Variants in STAMBPL1 observed in about 807,000 individuals in gnomAD.
STAMBPL1 encodes the protein STAM binding protein like 1, also known as AMSH-like protease.
Under a neutral mutation model 52.9 loss-of-function variants are expected in STAMBPL1, and 44 were observed. The observed-to-expected ratio is 0.83, with a 90% CI of 0.65 to 1.07. The LOEUF is 1.07. Among genes scored for constraint, STAMBPL1 ranks in the 50% least tolerant of loss-of-function variants. The pLI is 0.00. For synonymous variants in STAMBPL1, 164 were observed against 177.3 expected, an observed-to-expected ratio of 0.92 and a Z score of 0.60; for missense variants, 511 against 520.8, an observed-to-expected ratio of 0.98 and a Z score of 0.18.
chr10:88,921,346 C>G lies in STAMBPL1; in HGVS notation c.1105C>G (p.Leu369Val), dbSNP rs767903723. Residue 369 changes from leucine to valine, a missense_variant, in exon 9 of 11, where the codon CTC (leucine) becomes GTC (valine). Physicochemically the swap from Leu to Val is conservative, Grantham distance 32 (BLOSUM62 1). Transcript: ENST00000371926. ...TCTTCACACTCACTGTTCCTATCAACTCATGTTGCCAGAGGCCATTGCCAT... is the reference window on the plus strand; with the variant it reads ...TCTTCACACTCACTGTTCCTATCAAGTCATGTTGCCAGAGGCCATTGCCAT... ...VDLHTHCSYQ[L>V]MLPEAIAIVC... is the part of the protein sequence containing the mutation. 1 of 1,613,396 alleles carries G rather than the reference C, an allele frequency of 6.2e-7. No individual in the cohort carries two copies.
chr10:88,905,116 T>C (rs1313245504), intron 2 of STAMBPL1, among the ~76,000 whole-genome samples: 1 of 152,128 alleles, frequency 6.6e-6, no homozygotes, highest in Non-Finnish European at 1.5e-5. Context: ...GATAGAAGCA[T>C]GCACAGGGAT....
rs565869273 is a variant in STAMBPL1 at position 88,899,057 on chromosome 10, T to C, written c.-53-2599T>C. ...TCCCCTGTTCATCAAGTGATAGAGATAGCAGAGGTGTTTTCACCAGACCAA... is the reference window on the plus strand; with the variant it reads ...TCCCCTGTTCATCAAGTGATAGAGACAGCAGAGGTGTTTTCACCAGACCAA... On this transcript the variant is annotated intron_variant, in intron 1 of 10. Transcript: ENST00000371926. 7.9e-5 allele frequency among the ~76,000 whole-genome samples: 12 copies of C among 152,346 alleles called. No homozygotes were observed. In the South Asian group the frequency reaches 1.2e-3, roughly 16 times the overall value.
At position 88,908,015 on chromosome 10, in the gene STAMBPL1, A is replaced by G. The variant is rs2231781; in HGVS notation, c.249-687A>G. Among the ~76,000 whole-genome samples, 794 of 152,322 alleles carry G rather than the reference A, an allele frequency of 5.2e-3. 8 individuals are homozygous for G. The highest frequency in any genetic ancestry group is 0.018 in the African/African-American group (765 of 41,572). On this transcript the variant is annotated intron_variant, in intron 3 of 10. Transcript: ENST00000371926. Reference sequence around the variant, plus strand: ...TTATTGAGCACTTATTATGAGCTGGATGCTATTCTTCAGGCTGAGGATACA... The same window carrying G: ...TTATTGAGCACTTATTATGAGCTGGGTGCTATTCTTCAGGCTGAGGATACA...
intron 1 of STAMBPL1, among the ~76,000 whole-genome samples, chr10:88,897,735 A>G (rs1374029706): frequency 1.3e-5 from 2 of 152,218 alleles, no homozygotes; most frequent in African/African-American, 4.8e-5. Context: ...TAGCAAGCAA[A>G]TGATAGAGCC....
intron 5 of STAMBPL1, among the ~76,000 whole-genome samples, chr10:88,912,020 T>C (rs1028999451): frequency 1.3e-5 from 2 of 152,134 alleles, no homozygotes; most frequent in Non-Finnish European, 2.9e-5. Context: ...TGTTTTGCCT[T>C]TGATACCAGT....
rs1187556762 is a variant in STAMBPL1, at chr10:88,901,693, T to C, written c.-16T>C. Reference sequence around the variant, plus strand: ...AGAAGAAACAGTGAACATCCTCATTTCACAGATAAGACAACATGGATCAGC... The same window carrying C: ...AGAAGAAACAGTGAACATCCTCATTCCACAGATAAGACAACATGGATCAGC... On this transcript the variant is annotated 5_prime_UTR_variant, in exon 2 of 11. Transcript: ENST00000371926. The C allele has an allele frequency of 1.5e-5, 24 of 1,608,310 alleles. No homozygotes were observed. The highest frequency in any genetic ancestry group is 9.3e-6 in the Non-Finnish European group (11 of 1,177,680).
rs1450058346 is a variant in STAMBPL1, at chr10:88,893,469, C to T, written c.-53-8187C>T. On this transcript the variant is annotated intron_variant, in intron 1 of 10. Transcript: ENST00000371926. ...TGAAAAAAGTGAAGGGAGCTGGGCA[C>T]GGTGGCTCACACCTGTAATCCCAGT... Among the ~76,000 whole-genome samples, 14 of 152,226 alleles carry T rather than the reference C, an allele frequency of 9.2e-5. 2 individuals are homozygous for T. Among genetic ancestry groups the T allele is most frequent in the South Asian group, 8.3e-4 (4 of 4,822 alleles).
At chr10:88,912,998 A>G in intron 5 of STAMBPL1, 103 bp from the exon 6 acceptor site, 1 of 967,592 alleles carries the variant, frequency 1.0e-6, no homozygotes. Context: ...ATATCACAGT[A>G]TCTAGCATTT....
At chr10:88,884,425 A>G (rs1457034536) in intron 1 of STAMBPL1, among the ~76,000 whole-genome samples, 1 of 152,194 alleles carries the variant, frequency 6.6e-6, no homozygotes, top group Non-Finnish European at 1.5e-5. Flanking sequence ...CAAGTGAGGA[A>G]AGCATGTTGT....
In STAMBPL1 at chr10:88,913,325, C is replaced by T. The variant is rs1845276496; in HGVS notation, c.645C>T (p.Ser215=). The T allele has an allele frequency of 1.2e-6, 2 of 1,613,868 alleles. No individual in the cohort carries two copies. Among genetic ancestry groups the T allele is most frequent in the Admixed American group, 3.3e-5 (2 of 59,974 alleles). ...ATGGGAGCGCTTTGTCCTGCTTTTC[C>T]ACACACCAGAACAATTCCTTGCTGA... ...QIDGSALSCF[S]THQNNSLLNV... The change falls in exon 6 of 11, where the codon TCC becomes TCT. Residue 215 remains serine (S), a synonymous_variant. Coordinates refer to ENST00000371926, the MANE Select transcript of STAMBPL1 (RefSeq NM_020799.4).
chr10:88,913,566 AC>A, intron 6 of STAMBPL1, 108 bp downstream of exon 6: 1 of 893,112 alleles, frequency 1.1e-6, no homozygotes, highest in Non-Finnish European at 1.7e-6. Context: ...TTGTAGTAGG[AC>A]CCCTGCATAA....
intron 3 of STAMBPL1, 34 bp downstream of exon 3, chr10:88,905,694 T>C: frequency 6.5e-7 from 1 of 1,540,686 alleles, no homozygotes; most frequent in Non-Finnish European, 8.9e-7. Context: ...AGTGAGAAAA[T>C]TGGAAAAATA....
intron 3 of STAMBPL1, among the ~76,000 whole-genome samples, chr10:88,908,104 C>T (rs139101572): frequency 2.0e-5 from 3 of 152,292 alleles, no homozygotes; most frequent in East Asian, 3.9e-4. Context: ...TACCTGGAAG[C>T]GATGCACCTG....
intron 3 of STAMBPL1, among the ~76,000 whole-genome samples, chr10:88,907,007 C>T (rs1402397235): frequency 1.3e-5 from 2 of 152,088 alleles, no homozygotes; most frequent in African/African-American, 4.8e-5. Context: ...ATCCTTTGAC[C>T]AACATCTCAC....
chr10:88,908,446 A>T (rs1845132330), intron 3 of STAMBPL1, among the ~76,000 whole-genome samples: 1 of 152,182 alleles, frequency 6.6e-6, no homozygotes, highest in African/African-American at 2.4e-5. Context: ...AGAAAGATCA[A>T]AGTGACTTGA....
At chr10:88,914,307 G>A (rs1186031964) in intron 6 of STAMBPL1, among the ~76,000 whole-genome samples, 1 of 152,026 alleles carries the variant, frequency 6.6e-6, no homozygotes, top group African/African-American at 2.4e-5. Context: ...ATGTAAAAGT[G>A]CTTGTACCTT....
chr10:88,915,686 C>T (rs753972457), intron 7 of STAMBPL1, among the ~76,000 whole-genome samples: 1 of 152,152 alleles, frequency 6.6e-6, no homozygotes, highest in East Asian at 1.9e-4. Flanking sequence ...ACGATGCTTA[C>T]GATGCTGTGA....
chr10:88,916,894 T>G (rs551162653), intron 8 of STAMBPL1, 77 bp downstream of exon 8: 9 of 1,342,360 alleles, frequency 6.7e-6, no homozygotes, highest in Non-Finnish European at 8.8e-6. Flanking sequence ...AAGTTTAGCT[T>G]CATTTAAATA....
chr10:88,913,518 T>C, intron 6 of STAMBPL1, 60 bp downstream of exon 6: 1 of 1,414,648 alleles, frequency 7.1e-7, no homozygotes, highest in South Asian at 1.3e-5. Flanking sequence ...ACCATATTTC[T>C]ATAGCATCTG....
Sources: allele counts gnomAD v4.1 joint callset (sites outside exome capture counted in the v4.1 genomes callset), GRCh38; gene constraint gnomAD v4.1.1; transcripts MANE v1.5; gene names NCBI Gene and HGNC (gene_info 2026-07-23, HGNC 2026-07-21).